Variants in ARMC9 observed in about 807,000 individuals in gnomAD.
The protein encoded by ARMC9 is armadillo repeat containing 9, also known as lisH domain-containing protein ARMC9.
A neutral mutation model predicts 107.0 loss-of-function variants in ARMC9; 94 were observed. The ratio of observed to expected loss-of-function variants is 0.88; its 90% CI spans 0.74 to 1.04. The LOEUF (loss-of-function observed/expected upper bound fraction) is 1.04. Among genes scored for constraint, ARMC9 ranks in the 50% least tolerant of loss-of-function variants. The probability of loss-of-function intolerance (pLI) is 0.00; values close to 1 mark genes in which losing one functional copy is unlikely to be tolerated. For missense variants in ARMC9, 942 were observed against 1,030.1 expected (o/e 0.91, Z 1.17); for synonymous variants, 380 against 396.9 (o/e 0.96, Z 0.51).
chr2:231,257,737 A>G (rs2037964352), intron 10 of ARMC9, among the ~76,000 whole-genome samples: 2 of 152,196 alleles, frequency 1.3e-5, no homozygotes, highest in Non-Finnish European at 2.9e-5. Flanking sequence ...GATCAAAATT[A>G]GTTAATACGT....
intron 8 of ARMC9, among the ~76,000 whole-genome samples, chr2:231,238,586 C>T (rs913029080): frequency 6.6e-6 from 1 of 152,190 alleles, no homozygotes; most frequent in Non-Finnish European, 1.5e-5. Context: ...CTCCTGAGCT[C>T]AAGTGATCCG....
rs556176016 is a variant in ARMC9 at position 231,353,193 on chromosome 2, A to C, written c.1995-2605A>C. ...GCCATCCTATTTGCACAAAGTGACA[A>C]TTCTTTTTTTTTGAGACAGAGTCTC... On this transcript the variant is annotated intron_variant, in intron 21 of 24. Coordinates refer to ENST00000611582, the MANE Select transcript of ARMC9 (RefSeq NM_001352754.2). Among the ~76,000 whole-genome samples, 18 of 131,382 alleles carry C rather than the reference A, an allele frequency of 1.4e-4. 1 individual carries two copies. In the East Asian group the frequency reaches 3.5e-3, roughly 25 times the overall value. 86.2% of individuals were successfully genotyped at this position (131,382 alleles called of 152,430 possible). A position where few individuals can be genotyped will look rare whatever the true frequency, so the allele number is the denominator to read the frequency against.
Position 231,255,690 on chromosome 2 carries a change from G to A in ARMC9, c.880-896G>A, listed in dbSNP as rs530283389. On this transcript the variant is annotated intron_variant, in intron 9 of 24. Coordinates refer to ENST00000611582, the MANE Select transcript of ARMC9 (RefSeq NM_001352754.2). The surrounding 1 kb of genome is among the most constrained non-coding windows in gnomAD (Gnocchi z 4.7). ...TTAGTGGTGTGTAACTTTAGTTTGG[G>A]TTGATTTTTACATCGTATGTGACTT... 8.5e-5 allele frequency among the ~76,000 whole-genome samples: 13 copies of A among 152,266 alleles called. No homozygotes were observed. The highest frequency in any genetic ancestry group is 3.1e-4 in the African/African-American group (13 of 41,560).
intron 16 of ARMC9, among the ~76,000 whole-genome samples, chr2:231,279,904 C>T (rs1352410310): frequency 1.3e-5 from 2 of 152,148 alleles, no homozygotes; most frequent in African/African-American, 4.8e-5. Context: ...ACTTCTTTAG[C>T]AAGTGGATGT....
At chr2:231,231,628 A>G (rs1480208417) in intron 7 of ARMC9, among the ~76,000 whole-genome samples, 2 of 151,420 alleles carry the variant, frequency 1.3e-5, no homozygotes, top group African/African-American at 4.9e-5. Flanking sequence ...AAGCAATTCA[A>G]TCGCCTTGGC....
At chr2:231,215,766 G>T (rs559052791) in intron 4 of ARMC9, among the ~76,000 whole-genome samples, 1 of 152,194 alleles carries the variant, frequency 6.6e-6, no homozygotes, top group Non-Finnish European at 1.5e-5. Flanking sequence ...GAACACCAAC[G>T]GTGGGGACAG....
intron 19 of ARMC9, among the ~76,000 whole-genome samples, chr2:231,320,035 A>G (rs1319149345): frequency 6.6e-6 from 1 of 152,188 alleles, no homozygotes; most frequent in Admixed American, 6.5e-5. Context: ...GGCTAGTATT[A>G]TATGAATTGT....
intron 19 of ARMC9, among the ~76,000 whole-genome samples, chr2:231,302,446 T>TG (rs1382894285): frequency 2.1e-5 from 3 of 143,336 alleles, no homozygotes; most frequent in East Asian, 4.0e-4. Flanking sequence ...TGTTTTTTTT[T>TG]TTTTTTTTTT....
intron 12 of ARMC9, among the ~76,000 whole-genome samples, chr2:231,267,273 C>T (rs187668466): frequency 1.8e-4 from 28 of 152,254 alleles, no homozygotes; most frequent in Middle Eastern, 3.4e-3. Context: ...CTCTGTCACC[C>T]AGGCTGGGGT....
At chr2:231,336,061 C>T (rs1175776152) in intron 20 of ARMC9, among the ~76,000 whole-genome samples, 1 of 151,280 alleles carries the variant, frequency 6.6e-6, no homozygotes, top group Non-Finnish European at 1.5e-5. Context: ...CCTTGGAGTG[C>T]AAAAATAAAT....
At chr2:231,273,160 G>A in intron 14 of ARMC9, 82 bp downstream of exon 14, 4 of 1,528,446 alleles carry the variant, frequency 2.6e-6, no homozygotes, top group Non-Finnish European at 3.5e-6. Flanking sequence ...GGAGGCAGAT[G>A]GTATTTTTCC....
chr2:231,371,206 C>T (rs1013937945), intron 24 of ARMC9: 2 of 599,222 alleles, frequency 3.3e-6, no homozygotes, highest in South Asian at 1.6e-5. Context: ...CCTGGCCCCA[C>T]ATCTAGCAGC....
At chr2:231,272,714 C>G (rs1014233697) in intron 13 of ARMC9, among the ~76,000 whole-genome samples, 1 of 151,980 alleles carries the variant, frequency 6.6e-6, no homozygotes, top group African/African-American at 2.4e-5. Flanking sequence ...CGGGGTTTCA[C>G]CATGTTGGCC....
At chr2:231,270,789 A>G in intron 12 of ARMC9, 193 bp from the exon 13 acceptor site, 1 of 696,854 alleles carries the variant, frequency 1.4e-6, no homozygotes, top group South Asian at 1.5e-5. Flanking sequence ...AGTCTGACTA[A>G]CTTATTTTTG....
chr2:231,303,231 GTTGTT>G (rs58483943), intron 19 of ARMC9, among the ~76,000 whole-genome samples: 4,810 of 152,128 alleles, frequency 0.032, 240 homozygotes, highest in African/African-American at 0.11. Flanking sequence ...GTTTGTTTGG[GTTGTT>G]TTGTTTTGTT....
At chr2:231,259,238 A>G in intron 11 of ARMC9, 136 bp downstream of exon 11, 1 of 749,308 alleles carries the variant, frequency 1.3e-6, no homozygotes, top group East Asian at 2.7e-5. Flanking sequence ...CCAAGAACGG[A>G]AGTCAAAAGC....
At chr2:231,369,050 G>A (rs975392775) in intron 23 of ARMC9, among the ~76,000 whole-genome samples, 3 of 152,124 alleles carry the variant, frequency 2.0e-5, no homozygotes, top group African/African-American at 2.4e-5. Flanking sequence ...CCATCTAAGG[G>A]GTGCTAACAA....
intron 5 of ARMC9, among the ~76,000 whole-genome samples, chr2:231,220,041 T>A (rs891299510): frequency 6.6e-6 from 1 of 152,134 alleles, no homozygotes; most frequent in Admixed American, 6.5e-5. Flanking sequence ...GTGCAAATCA[T>A]TGTGCTCGCC....
At chr2:231,264,398 C>G (rs1017478133) in intron 12 of ARMC9, among the ~76,000 whole-genome samples, 1 of 152,046 alleles carries the variant, frequency 6.6e-6, no homozygotes, top group Non-Finnish European at 1.5e-5. Flanking sequence ...AGGCTAGTCT[C>G]GAACTCCTGA....
Sources: gnomAD v4.1 joint callset for allele counts (sites outside exome capture counted in the v4.1 genomes callset) on GRCh38, gnomAD v4.1.1 for gene constraint, Gnocchi (gnomAD v3.1) non-coding constraint, MANE v1.5 for transcripts, NCBI Gene and HGNC (gene_info 2026-07-23, HGNC 2026-07-21) for gene names.